RPS6KC1: variants seen among roughly 807,000 people sequenced by gnomAD.
RPS6KC1 encodes the protein inactive ribosomal protein S6 kinase delta-1.
In RPS6KC1, 54 loss-of-function variants were observed where a neutral mutation model predicts 103.8. The observed-to-expected ratio is 0.52, with a 90% confidence interval of 0.42 to 0.65. The LOEUF is 0.65. Ranked by LOEUF, RPS6KC1 falls within the 30% of genes least tolerant of loss-of-function variation. The pLI is 0.00. For missense variants in RPS6KC1, 1,151 were observed against 1,253.8 expected (o/e 0.92, Z 1.24); for synonymous variants, 439 against 438.7 (o/e 1.00, Z -0.01).
chr1:213,228,238 G>T (rs1055114780), intron 8 of RPS6KC1, among the ~76,000 whole-genome samples: 4 of 152,030 alleles, frequency 2.6e-5, no homozygotes, highest in African/African-American at 9.7e-5. Context: ...AATATTTCAG[G>T]GAAAAACAAG....
chr1:213,502,171 A>G, the RPS6KC1 span, among the ~76,000 whole-genome samples: 7 of 152,194 alleles, frequency 4.6e-5, no homozygotes, highest in Non-Finnish European at 7.3e-5. Context: ...ATTGGCTGTA[A>G]TGTGTTACAT....
the RPS6KC1 span, among the ~76,000 whole-genome samples, chr1:213,466,827 A>G: frequency 6.6e-6 from 1 of 152,094 alleles, no homozygotes; most frequent in South Asian, 2.1e-4. Context: ...GGTTTTTCTG[A>G]CAGGCAGGTC....
the RPS6KC1 span, among the ~76,000 whole-genome samples, chr1:213,636,845 A>C: frequency 6.6e-6 from 1 of 152,048 alleles, no homozygotes; most frequent in African/African-American, 2.4e-5. Context: ...AGAATGGGAG[A>C]AAAATTTTTG....
At chr1:213,732,409 T>TGATTAGTTGTA in the RPS6KC1 span, among the ~76,000 whole-genome samples, 1 of 152,018 alleles carries the variant, frequency 6.6e-6, no homozygotes, top group Admixed American at 6.6e-5. Flanking sequence ...TTTGTCTTGT[T>TGATTAGTTGTA]GATTAGTTGT....
the RPS6KC1 span, among the ~76,000 whole-genome samples, chr1:213,795,475 A>G: frequency 6.6e-6 from 1 of 152,172 alleles, no homozygotes; most frequent in Non-Finnish European, 1.5e-5. Context: ...TCTCTATAGT[A>G]TGTGCTTGGG....
the RPS6KC1 span, among the ~76,000 whole-genome samples, chr1:213,397,052 T>TATC: frequency 2.0e-5 from 3 of 152,166 alleles, no homozygotes; most frequent in African/African-American, 7.2e-5. Flanking sequence ...GTGTAAAATC[T>TATC]ATCTACATCT....
At chr1:213,482,689 C>T in the RPS6KC1 span, among the ~76,000 whole-genome samples, 1 of 151,594 alleles carries the variant, frequency 6.6e-6, no homozygotes, top group Admixed American at 6.6e-5. Flanking sequence ...GCTGGGACTA[C>T]AGGCATGCAC....
chr1:213,059,110 CT>C (rs1297197740), intron 1 of RPS6KC1, among the ~76,000 whole-genome samples: 2 of 152,090 alleles, frequency 1.3e-5, no homozygotes, highest in Non-Finnish European at 2.9e-5. Flanking sequence ...TATCACGTGA[CT>C]TTTTTTAAAT....
At chr1:213,684,007 GT>G in the RPS6KC1 span, among the ~76,000 whole-genome samples, 1 of 152,160 alleles carries the variant, frequency 6.6e-6, no homozygotes, top group Non-Finnish European at 1.5e-5. Flanking sequence ...GGCCAGCTCA[GT>G]TTCAGCCTTG....
At chr1:213,208,600 T>C (rs2148651497) in intron 8 of RPS6KC1, among the ~76,000 whole-genome samples, 1 of 152,276 alleles carries the variant, frequency 6.6e-6, no homozygotes. Context: ...GCCAATTGGT[T>C]TTCTTAGAGA....
chr1:213,537,117 C>T, the RPS6KC1 span, among the ~76,000 whole-genome samples: 4 of 152,178 alleles, frequency 2.6e-5, no homozygotes, highest in Admixed American at 6.5e-5. Context: ...CTTTAATGGC[C>T]TCCACCTGGC....
chr1:213,329,139 T>G, the RPS6KC1 span, among the ~76,000 whole-genome samples: 1 of 152,308 alleles, frequency 6.6e-6, no homozygotes, highest in African/African-American at 2.4e-5. Flanking sequence ...TTGCCATGAG[T>G]AAAATAAATG....
At chr1:213,628,510 G>A in the RPS6KC1 span, among the ~76,000 whole-genome samples, 6 of 151,820 alleles carry the variant, frequency 4.0e-5, no homozygotes, top group Admixed American at 2.0e-4. Context: ...AAGTTTTAGG[G>A]TACATATGCA....
chr1:213,298,625 T>C, the RPS6KC1 span, among the ~76,000 whole-genome samples: 1 of 152,126 alleles, frequency 6.6e-6, no homozygotes, highest in African/African-American at 2.4e-5. Flanking sequence ...TCTCTGCTCT[T>C]TTTATTATTT....
rs569659385 is a variant in RPS6KC1, at chr1:213,153,083, G to A, written c.836-14775G>A. Among the ~76,000 whole-genome samples the A allele has an allele frequency of 2.0e-3, 305 of 152,342 alleles. 1 individual carries two copies. Among genetic ancestry groups the A allele is most frequent in the Non-Finnish European group, 3.2e-3 (220 of 68,016 alleles). On this transcript the variant is annotated intron_variant, in intron 6 of 14. Transcript: ENST00000366960. ...CGAAACCCCGTCTCCACCAAAACCA[G>A]TCAGGCCTGGCGGCGCGAGTCTGCA...
the RPS6KC1 span, among the ~76,000 whole-genome samples, chr1:213,322,364 C>T: frequency 1.3e-5 from 2 of 152,192 alleles, no homozygotes; most frequent in Admixed American, 1.3e-4. Context: ...TTGTAGTTCA[C>T]ACTGAGATAG....
the RPS6KC1 span, among the ~76,000 whole-genome samples, chr1:213,682,945 CCA>C: frequency 6.6e-6 from 1 of 152,160 alleles, no homozygotes; most frequent in East Asian, 1.9e-4. Context: ...ACAGACATCT[CCA>C]CACACTTGTG....
chr1:213,830,636 T>C, the RPS6KC1 span, among the ~76,000 whole-genome samples: 2 of 151,680 alleles, frequency 1.3e-5, no homozygotes, highest in African/African-American at 4.8e-5. Flanking sequence ...GGCATAGCTT[T>C]TAAATGACAA....
chr1:213,685,356 C>A, the RPS6KC1 span, among the ~76,000 whole-genome samples: 1 of 152,128 alleles, frequency 6.6e-6, no homozygotes, highest in Admixed American at 6.5e-5. Flanking sequence ...TTAGACTGGG[C>A]ATGGTGGCTC....
Sources: allele counts gnomAD v4.1 joint callset (sites outside exome capture counted in the v4.1 genomes callset), GRCh38; gene constraint gnomAD v4.1.1; transcripts MANE v1.5; gene names NCBI Gene and HGNC (gene_info 2026-07-23, HGNC 2026-07-21).